The following CHD9 variants were observed in gnomAD, a reference collection of about 807,000 sequenced individuals.
The protein encoded by CHD9 is chromodomain helicase DNA binding protein 9.
Under a neutral mutation model 316.1 loss-of-function variants are expected in CHD9, and 77 were observed. That is an observed-to-expected ratio of 0.24 (90% CI 0.20 to 0.29). CHD9 has a LOEUF of 0.29. Ranked by LOEUF, CHD9 falls within the 10% of genes least tolerant of loss-of-function variation. CHD9 has a pLI of 1.00. For synonymous variants in CHD9, 1,129 were observed against 1,158.3 expected (o/e 0.97, Z 0.51); for missense variants, 2,763 against 3,438.1 (o/e 0.80, Z 4.91).
intron 1 of CHD9, among the ~76,000 whole-genome samples, chr16:53,098,594 T>C (rs963942531): frequency 2.0e-5 from 3 of 152,202 alleles, no homozygotes; most frequent in African/African-American, 7.2e-5. Context: ...GGCTGCTTTT[T>C]TCTTTGTCTC....
intron 30 of CHD9, among the ~76,000 whole-genome samples, chr16:53,297,571 T>C (rs2054915596): frequency 6.6e-6 from 1 of 152,208 alleles, no homozygotes; most frequent in South Asian, 2.1e-4. Context: ...AAGAATTTTC[T>C]AGAAAAGATC....
At chr16:53,252,218 A>T (rs1032958880) in intron 17 of CHD9, among the ~76,000 whole-genome samples, 1 of 152,226 alleles carries the variant, frequency 6.6e-6, no homozygotes, top group Non-Finnish European at 1.5e-5. Flanking sequence ...AGACCAATGG[A>T]ACAGAATAGA....
Position 53,238,418 on chromosome 16 carries a change from T to C in CHD9, c.2709T>C (p.Leu903=). The stretch of plus-strand genomic sequence containing the variant: ...CAATTACATTCCTCTATGAAATCCT[T>C]CTGACTGGTATAAGAGGACCTTTCC... ...IQSITFLYEI[L]LTGIRGPFLI... is the part of the protein sequence containing the mutation. Residue 903 remains leucine (L), a synonymous_variant, in exon 12 of 39, where the codon CTT becomes CTC. Transcript: ENST00000447540. 2 of 1,613,126 alleles carry C rather than the reference T, an allele frequency of 1.2e-6. No individual in the cohort carries two copies. Among genetic ancestry groups the C allele is most frequent in the Non-Finnish European group, 1.7e-6 (2 of 1,179,262 alleles).
intron 1 of CHD9, among the ~76,000 whole-genome samples, chr16:53,118,942 G>A (rs976126928): frequency 6.6e-6 from 1 of 151,914 alleles, no homozygotes; most frequent in African/African-American, 2.4e-5. Flanking sequence ...ACAGGCACCC[G>A]CCACCATGCC....
chr16:53,181,031 A>G (rs1164161726), intron 2 of CHD9, among the ~76,000 whole-genome samples: 1 of 144,222 alleles, frequency 6.9e-6, no homozygotes, highest in East Asian at 2.0e-4. Context: ...TTTTTTTGAG[A>G]CAGAGTTTCG....
rs1168638256 is a variant in CHD9 at position 53,327,271 on chromosome 16, G to A, written c.*2376G>A. The A allele has an allele frequency of 6.6e-6, 1 of 152,444 alleles. No individual in the cohort carries two copies. Among genetic ancestry groups the A allele is most frequent in the Non-Finnish European group, 1.5e-5 (1 of 67,918 alleles). The allele number at this position is 152,444 out of a possible 1,614,324, so 9.4% of individuals were successfully genotyped here. ...AAAGAATTATAGCTGTTATTGCCTTGTATTTATAGCCCTTGTTTCAGGTTT... is the reference window on the plus strand; with the variant it reads ...AAAGAATTATAGCTGTTATTGCCTTATATTTATAGCCCTTGTTTCAGGTTT... On this transcript the variant is annotated 3_prime_UTR_variant, in exon 39 of 39. Transcript: ENST00000447540.
At chr16:53,231,545 C>G (rs752426517) in intron 9 of CHD9, 40 bp downstream of exon 9, 2 of 1,413,688 alleles carry the variant, frequency 1.4e-6, no homozygotes, top group African/African-American at 2.9e-5. Flanking sequence ...TAAGAAAAAT[C>G]TGAAACTTTC....
chr16:53,198,724 T>A (rs973073260), intron 2 of CHD9, among the ~76,000 whole-genome samples: 3 of 152,216 alleles, frequency 2.0e-5, no homozygotes, highest in African/African-American at 7.2e-5. Context: ...TTCCTCTTCT[T>A]GTGTCCTTTT....
intron 22 of CHD9, among the ~76,000 whole-genome samples, chr16:53,272,183 ATGT>A (rs2052336821): frequency 2.0e-5 from 3 of 151,750 alleles, no homozygotes; most frequent in Admixed American, 1.3e-4. Context: ...ACCGTACAAA[ATGT>A]TGTAGTACCA....
chr16:53,261,080 A>G (rs1373682727), intron 19 of CHD9, among the ~76,000 whole-genome samples: 2 of 145,190 alleles, frequency 1.4e-5, no homozygotes, highest in Non-Finnish European at 3.0e-5. Context: ...TATTAAAGCT[A>G]TAGTTTAGAG....
chr16:53,073,593 T>TGGTG (rs2034282134), intron 1 of CHD9, among the ~76,000 whole-genome samples: 1 of 152,222 alleles, frequency 6.6e-6, no homozygotes, highest in South Asian at 2.1e-4. Context: ...TTCCCACCTG[T>TGGTG]GGTGGGAGCG....
intron 1 of CHD9, among the ~76,000 whole-genome samples, chr16:53,069,906 CTGTT>C (rs2033857582): frequency 8.0e-6 from 1 of 124,504 alleles, no homozygotes; most frequent in African/African-American, 3.2e-5. Context: ...TTGTTATTTT[CTGTT>C]TGTTTGTGTG....
At chr16:53,198,543 G>T (rs1436877341) in intron 2 of CHD9, among the ~76,000 whole-genome samples, 1 of 151,266 alleles carries the variant, frequency 6.6e-6, no homozygotes, top group Non-Finnish European at 1.5e-5. Flanking sequence ...AGCCAGGATG[G>T]TCTCAATCTC....
At chr16:53,153,996 A>G (rs372730739) in intron 1 of CHD9, among the ~76,000 whole-genome samples, 8 of 152,230 alleles carry the variant, frequency 5.3e-5, no homozygotes, top group African/African-American at 1.7e-4. Context: ...TGAATATACA[A>G]CTGAATGGAA....
chr16:53,201,139 T>C (rs2045419890), intron 2 of CHD9, among the ~76,000 whole-genome samples: 2 of 152,198 alleles, frequency 1.3e-5, no homozygotes, highest in African/African-American at 4.8e-5. Context: ...GAGAATAGCT[T>C]TAAGTATTGG....
intron 3 of CHD9, among the ~76,000 whole-genome samples, chr16:53,217,657 A>G (rs1250918705): frequency 6.6e-6 from 1 of 152,174 alleles, no homozygotes; most frequent in Non-Finnish European, 1.5e-5. Flanking sequence ...TATTACCTAG[A>G]TACCATTTTA....
At chr16:53,077,519 G>A (rs2034644583) in intron 1 of CHD9, among the ~76,000 whole-genome samples, 1 of 151,756 alleles carries the variant, frequency 6.6e-6, no homozygotes, top group South Asian at 2.1e-4. Flanking sequence ...AGTAGAGACG[G>A]GGTTTCACCA....
chr16:53,073,235 T>C (rs769148531), intron 1 of CHD9, among the ~76,000 whole-genome samples: 17 of 152,216 alleles, frequency 1.1e-4, no homozygotes, highest in Non-Finnish European at 2.2e-4. Context: ...TCAGATAGTA[T>C]TTGTTTTTGG....
chr16:53,295,129 A>AT (rs530966742), intron 29 of CHD9, among the ~76,000 whole-genome samples: 116 of 151,728 alleles, frequency 7.6e-4, no homozygotes, highest in African/African-American at 2.8e-3. Context: ...TCCTCTAATA[A>AT]TTTTTTTTCT....
Sources: gnomAD v4.1 joint callset for allele counts (sites outside exome capture counted in the v4.1 genomes callset) on GRCh38, gnomAD v4.1.1 for gene constraint, MANE v1.5 for transcripts, NCBI Gene and HGNC (gene_info 2026-07-23, HGNC 2026-07-21) for gene names.